The following STPG2 variants were observed in gnomAD, a reference collection of about 807,000 sequenced individuals.
STPG2 encodes sperm-tail PG-rich repeat-containing protein 2.
In STPG2, 56 loss-of-function variants were observed where a neutral mutation model predicts 54.2. The ratio of observed to expected loss-of-function variants is 1.03; its 90% CI spans 0.83 to 1.29. The LOEUF (loss-of-function observed/expected upper bound fraction) is 1.29, where lower values mean the gene tolerates loss of function less well. Ranked by LOEUF, STPG2 falls within the 50% of genes most tolerant of loss-of-function variation. The pLI, the probability that STPG2 is intolerant of heterozygous loss-of-function variation, is 0.00. For missense variants in STPG2, 596 were observed against 544.9 expected (o/e 1.09, Z -0.93); for synonymous variants, 200 against 181.8 (o/e 1.10, Z -0.81).
chr4:97,675,094 C>T (rs1443529536), intron 10 of STPG2, among the ~76,000 whole-genome samples: 1 of 152,104 alleles, frequency 6.6e-6, no homozygotes, highest in African/African-American at 2.4e-5. Context: ...TCCTCTACCT[C>T]CTGGGTTCAA....
At chr4:97,633,383 A>C (rs1417531134) in intron 10 of STPG2, 1 of 152,190 alleles carries the variant, frequency 6.6e-6, no homozygotes, top group African/African-American at 2.4e-5. Context: ...CCAGGGAAAA[A>C]TGAAAACATA....
intron 8 of STPG2, among the ~76,000 whole-genome samples, chr4:97,915,601 G>A (rs527508704): frequency 2.0e-5 from 3 of 152,184 alleles, no homozygotes; most frequent in African/African-American, 7.2e-5. Context: ...CATGACAAAG[G>A]TAGGTCTTAG....
chr4:98,013,379 G>A (rs895341296), intron 5 of STPG2, among the ~76,000 whole-genome samples: 2 of 152,138 alleles, frequency 1.3e-5, no homozygotes, highest in Admixed American at 1.3e-4. Context: ...TCGCATGAAT[G>A]TTCTTCAAGG....
intron 8 of STPG2, among the ~76,000 whole-genome samples, chr4:97,855,416 T>G (rs1729301577): frequency 1.3e-5 from 2 of 152,190 alleles, no homozygotes; most frequent in South Asian, 4.1e-4. Flanking sequence ...ACTTCTCTAA[T>G]GATCAGTGAG....
At position 97,940,444 on chromosome 4, in the gene STPG2, C is replaced by G. The variant is rs549014413; in HGVS notation, c.1044+3453G>C. Among the ~76,000 whole-genome samples, 113 of 152,310 alleles carry G rather than the reference C, an allele frequency of 7.4e-4. No homozygotes were observed. In the South Asian group the frequency reaches 0.022, roughly 30 times the overall value. Reference sequence around the variant, plus strand: ...CCCTTTCAGGGATGCCAGTGATTCACAGACTTGGCCTCTTAAAATAATCCC... The same window carrying G: ...CCCTTTCAGGGATGCCAGTGATTCAGAGACTTGGCCTCTTAAAATAATCCC... On this transcript the variant is annotated intron_variant, in intron 8 of 10. Transcript: ENST00000295268.
intron 8 of STPG2, chr4:97,916,822 G>A (rs1731896840): frequency 6.5e-6 from 1 of 153,164 alleles, no homozygotes; most frequent in Non-Finnish European, 1.5e-5. Flanking sequence ...TCCAGCAGCA[G>A]CTATTACCTT....
intron 3 of STPG2, among the ~76,000 whole-genome samples, chr4:98,120,522 TCCA>T (rs572374571): frequency 1.0e-3 from 153 of 152,316 alleles, no homozygotes; most frequent in Middle Eastern, 3.4e-3. Context: ...AATTTACATT[TCCA>T]CCAACAGTGT....
chr4:97,595,545 A>G (rs923793441), intron 10 of STPG2, among the ~76,000 whole-genome samples: 1 of 152,082 alleles, frequency 6.6e-6, no homozygotes. Context: ...ACATGTATAC[A>G]TATGTAACAA....
rs568481973 is a variant in STPG2, at chr4:97,861,804, T to C, written c.1045-20872A>G. Among the ~76,000 whole-genome samples, 3 of 152,148 alleles carry C rather than the reference T, an allele frequency of 2.0e-5. No individual in the cohort carries two copies. The East Asian group carries it at 5.8e-4, about 29-fold the overall frequency. On this transcript the variant is annotated intron_variant, in intron 8 of 10. Transcript: ENST00000295268. ...AAGAGAAGAATTTTCAACCCAGAAT[T>C]TCATATCCAGCCAAACTAAGTTTCA...
intron 8 of STPG2, among the ~76,000 whole-genome samples, chr4:97,852,027 T>C (rs975259037): frequency 6.6e-6 from 1 of 152,202 alleles, no homozygotes. Context: ...TCTTTTGCAA[T>C]GTTGAATGTA....
chr4:97,597,576 A>G (rs1733331902), intron 10 of STPG2, among the ~76,000 whole-genome samples: 1 of 152,190 alleles, frequency 6.6e-6, no homozygotes, highest in Non-Finnish European at 1.5e-5. Flanking sequence ...AGGTTGTTTC[A>G]ATATATGCAA....
At chr4:98,096,135 C>G (rs1738849434) in intron 5 of STPG2, among the ~76,000 whole-genome samples, 1 of 152,156 alleles carries the variant, frequency 6.6e-6, no homozygotes, top group Non-Finnish European at 1.5e-5. Flanking sequence ...TGGCTCACAC[C>G]TGTAATCCCA....
intron 10 of STPG2, among the ~76,000 whole-genome samples, chr4:97,691,650 C>G (rs184269927): frequency 2.8e-4 from 42 of 152,214 alleles, no homozygotes; most frequent in African/African-American, 1.0e-3. Flanking sequence ...CCCTACCCAC[C>G]ACCTAACCCT....
chr4:97,508,621 C>T (rs1214498363), intron 4 of STPG2, among the ~76,000 whole-genome samples: 5 of 151,904 alleles, frequency 3.3e-5, no homozygotes, highest in Non-Finnish European at 7.4e-5. Context: ...CTGTGTTATT[C>T]AAAATAGTTT....
intron 4 of STPG2, among the ~76,000 whole-genome samples, chr4:97,514,473 T>C (rs914334311): frequency 5.9e-5 from 9 of 152,036 alleles, no homozygotes; most frequent in Non-Finnish European, 1.0e-4. Flanking sequence ...AAAGGAGGAA[T>C]TGAAGTTCTT....
At chr4:98,063,537 C>T (rs1231136627) in intron 5 of STPG2, among the ~76,000 whole-genome samples, 1 of 151,668 alleles carries the variant, frequency 6.6e-6, no homozygotes, top group Non-Finnish European at 1.5e-5. Flanking sequence ...GTAGCCAAAA[C>T]TATTCCAAGA....
chr4:98,032,660 G>A (rs377520828), intron 5 of STPG2, among the ~76,000 whole-genome samples: 21 of 152,004 alleles, frequency 1.4e-4, no homozygotes, highest in South Asian at 4.2e-4. Flanking sequence ...GCACCACATC[G>A]TGCTTATTCT....
chr4:97,515,052 C>T (rs1436906834), intron 4 of STPG2, among the ~76,000 whole-genome samples: 2 of 151,980 alleles, frequency 1.3e-5, no homozygotes, highest in East Asian at 1.9e-4. Flanking sequence ...TGGAATTGAT[C>T]ACCCTAAGAT....
chr4:97,456,891 C>CAAAAAAAAAAAAAAAAAAAA (rs57563048), intron 4 of STPG2, among the ~76,000 whole-genome samples: 6 of 48,870 alleles, frequency 1.2e-4, no homozygotes, highest in African/African-American at 5.7e-4. Flanking sequence ...TGCTCCGTCT[C>CAAAAAAAAAAAAAAAAAAAA]AAAAAAAAAA....
Sources: allele counts gnomAD v4.1 joint callset (sites outside exome capture counted in the v4.1 genomes callset), GRCh38; gene constraint gnomAD v4.1.1; transcripts MANE v1.5; gene names NCBI Gene and HGNC (gene_info 2026-07-23, HGNC 2026-07-21).